Variants in GALNT13 observed in about 807,000 individuals in gnomAD.
The protein encoded by GALNT13 is UDP-GalNAc:polypeptide N-acetylgalactosaminyltransferase 13.
Under a neutral mutation model 64.2 loss-of-function variants are expected in GALNT13, and 28 were observed. The observed-to-expected ratio is 0.44, with a 90% confidence interval of 0.32 to 0.60. The LOEUF (loss-of-function observed/expected upper bound fraction) is 0.60. Among genes scored for constraint, GALNT13 ranks in the 20% least tolerant of loss-of-function variants. GALNT13 has a pLI of 0.05. For synonymous variants in GALNT13, 214 were observed against 224.6 expected (o/e 0.95, Z 0.42); for missense variants, 577 against 669.8 (o/e 0.86, Z 1.53).
intron 9 of GALNT13, among the ~76,000 whole-genome samples, chr2:154,321,129 T>G (rs552221097): frequency 6.6e-6 from 1 of 152,136 alleles, no homozygotes; most frequent in East Asian, 1.9e-4. Context: ...GGATCTGCAG[T>G]AGGCAGTTAA....
chr2:154,359,518 C>T (rs1041293063), intron 9 of GALNT13, among the ~76,000 whole-genome samples: 1 of 152,080 alleles, frequency 6.6e-6, no homozygotes, highest in Non-Finnish European at 1.5e-5. Context: ...ATGTGGACAA[C>T]TACCTTAAGA....
chr2:154,402,531 G>A (rs2105376060), intron 10 of GALNT13, among the ~76,000 whole-genome samples: 1 of 152,322 alleles, frequency 6.6e-6, no homozygotes, highest in South Asian at 2.1e-4. Flanking sequence ...GCCAATTAAA[G>A]TTAAAACTAT....
the GALNT13 span, among the ~76,000 whole-genome samples, chr2:153,175,763 C>T: frequency 5.9e-5 from 9 of 152,032 alleles, no homozygotes; most frequent in South Asian, 2.1e-4. Flanking sequence ...GTAGGAGCAA[C>T]GAGAACTAGA....
At chr2:154,291,629 C>T (rs968014343) in intron 8 of GALNT13, among the ~76,000 whole-genome samples, 7 of 152,288 alleles carry the variant, frequency 4.6e-5, no homozygotes, top group Admixed American at 6.5e-5. Context: ...ACCCAGAACC[C>T]GGCCGGCCCA....
chr2:153,147,590 C>T, the GALNT13 span, among the ~76,000 whole-genome samples: 2 of 146,684 alleles, frequency 1.4e-5, no homozygotes, highest in South Asian at 2.1e-4. Flanking sequence ...AAATCGGTTA[C>T]AGTAATTAGA....
intron 8 of GALNT13, among the ~76,000 whole-genome samples, chr2:154,260,217 C>T (rs187192732): frequency 9.2e-5 from 14 of 152,110 alleles, no homozygotes; most frequent in Non-Finnish European, 1.6e-4. Flanking sequence ...ATTCCATCTT[C>T]GCCCAAAATA....
the GALNT13 span, among the ~76,000 whole-genome samples, chr2:153,588,852 T>TGAA: frequency 1.3e-3 from 200 of 152,322 alleles, 2 homozygotes; most frequent in South Asian, 7.9e-3. Flanking sequence ...TGTCACTCCT[T>TGAA]GAATGATTTG....
chr2:153,813,830 G>C, the GALNT13 span, among the ~76,000 whole-genome samples: 4 of 152,160 alleles, frequency 2.6e-5, no homozygotes, highest in African/African-American at 9.7e-5. Flanking sequence ...ATATAGGTTA[G>C]GAATTTGGGC....
At chr2:154,273,389 T>C (rs995631158) in intron 8 of GALNT13, among the ~76,000 whole-genome samples, 4 of 152,146 alleles carry the variant, frequency 2.6e-5, no homozygotes, top group African/African-American at 9.7e-5. Context: ...TCAGTTCTCC[T>C]GTTCCAAGTC....
chr2:153,625,963 T>C, the GALNT13 span, among the ~76,000 whole-genome samples: 1 of 152,144 alleles, frequency 6.6e-6, no homozygotes, highest in Non-Finnish European at 1.5e-5. Flanking sequence ...TAATTTTTCT[T>C]ATTAAATATT....
At chr2:153,986,351 G>A (rs977468051) in intron 3 of GALNT13, among the ~76,000 whole-genome samples, 1 of 151,944 alleles carries the variant, frequency 6.6e-6, no homozygotes. Context: ...GACAGGTATT[G>A]TTCTAAATGA....
chr2:153,697,479 T>G, the GALNT13 span, among the ~76,000 whole-genome samples: 2 of 152,118 alleles, frequency 1.3e-5, no homozygotes, highest in Non-Finnish European at 2.9e-5. Context: ...ATGTGTCACC[T>G]CCATTGGCTG....
intron 10 of GALNT13, among the ~76,000 whole-genome samples, chr2:154,399,647 C>T (rs899855567): frequency 3.3e-5 from 5 of 152,134 alleles, no homozygotes; most frequent in African/African-American, 4.8e-5. Context: ...GCCACTGGTC[C>T]TCTTGGCTGC....
chr2:153,976,025 C>T (rs540541814), intron 3 of GALNT13, among the ~76,000 whole-genome samples: 1 of 152,212 alleles, frequency 6.6e-6, no homozygotes, highest in South Asian at 2.1e-4. Context: ...CAACATACCT[C>T]ACCTGACCAT....
At chr2:153,186,107 G>T in the GALNT13 span, among the ~76,000 whole-genome samples, 1 of 151,984 alleles carries the variant, frequency 6.6e-6, no homozygotes. Context: ...CTCTTTGTAG[G>T]TCTCTAAGAA....
At chr2:153,297,335 T>C in the GALNT13 span, among the ~76,000 whole-genome samples, 2 of 152,204 alleles carry the variant, frequency 1.3e-5, no homozygotes, top group Admixed American at 1.3e-4. Flanking sequence ...GAGATCTTTA[T>C]TTTTCTATTT....
At chr2:154,225,956 C>G (rs538602884) in intron 4 of GALNT13, among the ~76,000 whole-genome samples, 1 of 151,966 alleles carries the variant, frequency 6.6e-6, no homozygotes, top group Non-Finnish European at 1.5e-5. Context: ...TGTAGTTAAA[C>G]AATGTAGGTC....
At chr2:153,517,958 A>C in the GALNT13 span, among the ~76,000 whole-genome samples, 1 of 152,182 alleles carries the variant, frequency 6.6e-6, no homozygotes, top group East Asian at 1.9e-4. Flanking sequence ...TATCAATAGC[A>C]TGAAACACTT....
the GALNT13 span, among the ~76,000 whole-genome samples, chr2:153,254,608 T>A: frequency 6.6e-5 from 10 of 152,304 alleles, no homozygotes; most frequent in East Asian, 1.9e-3. Flanking sequence ...GGGCATTTAG[T>A]GCTATAAATT....
Sources: gnomAD v4.1 joint callset for allele counts (sites outside exome capture counted in the v4.1 genomes callset) on GRCh38, gnomAD v4.1.1 for gene constraint, MANE v1.5 for transcripts, NCBI Gene and HGNC (gene_info 2026-07-23, HGNC 2026-07-21) for gene names.